The following LDLRAD4 variants were observed in gnomAD, a reference collection of about 807,000 sequenced individuals.
LDLRAD4 encodes the protein low-density lipoprotein receptor class A domain-containing protein 4.
Under a neutral mutation model 17.0 loss-of-function variants are expected in LDLRAD4, and 5 were observed. That is an observed-to-expected ratio of 0.29 (90% CI 0.15 to 0.62). The LOEUF (loss-of-function observed/expected upper bound fraction) is 0.62, where lower values mean the gene tolerates loss of function less well. Among genes scored for constraint, LDLRAD4 ranks in the 20% least tolerant of loss-of-function variants. The pLI, the probability that LDLRAD4 is intolerant of heterozygous loss-of-function variation, is 0.84. For synonymous variants in LDLRAD4, 168 were observed against 171.8 expected (o/e 0.98, Z 0.17); for missense variants, 340 against 424.7 (o/e 0.80, Z 1.75).
chr18:13,576,546 A>G (rs1208963930), intron 3 of LDLRAD4, among the ~76,000 whole-genome samples: 1 of 152,200 alleles, frequency 6.6e-6, no homozygotes, highest in Non-Finnish European at 1.5e-5. Flanking sequence ...CTGGCTTTCA[A>G]CACTTTGATT....
chr18:13,496,308 C>T (rs2093468411), intron 3 of LDLRAD4, among the ~76,000 whole-genome samples: 1 of 152,128 alleles, frequency 6.6e-6, no homozygotes, highest in South Asian at 2.1e-4. Flanking sequence ...CTTACTTGCC[C>T]AGAACAATTT....
At chr18:13,588,909 CTTTTCTTTTTT>C (rs1339081490) in intron 3 of LDLRAD4, among the ~76,000 whole-genome samples, 2 of 151,118 alleles carry the variant, frequency 1.3e-5, no homozygotes, top group African/African-American at 4.9e-5. Flanking sequence ...CATCTTTTTC[CTTTTCTTTTTT>C]TTTTCTTTTT....
At chr18:13,509,720 T>C (rs908735339) in intron 3 of LDLRAD4, among the ~76,000 whole-genome samples, 5 of 152,224 alleles carry the variant, frequency 3.3e-5, no homozygotes, top group African/African-American at 1.2e-4. Flanking sequence ...TAGCATTGCA[T>C]GTACAGAGAA....
chr18:13,251,964 C>T (rs997743523), intron 1 of LDLRAD4, among the ~76,000 whole-genome samples: 1 of 152,162 alleles, frequency 6.6e-6, no homozygotes, highest in Admixed American at 6.5e-5. Context: ...AAACTCAACC[C>T]TCATGACTAA....
intron 3 of LDLRAD4, among the ~76,000 whole-genome samples, chr18:13,457,791 G>T (rs887650491): frequency 1.2e-4 from 19 of 152,152 alleles, no homozygotes; most frequent in Non-Finnish European, 2.5e-4. Flanking sequence ...TCGCTACCTG[G>T]GCCCCCGCTC....
intron 3 of LDLRAD4, among the ~76,000 whole-genome samples, chr18:13,590,180 G>A (rs536276961): frequency 3.2e-4 from 49 of 151,684 alleles, no homozygotes; most frequent in African/African-American, 1.0e-3. Context: ...TATGGAGTAC[G>A]GGGGAAGGAG....
intron 1 of LDLRAD4, among the ~76,000 whole-genome samples, chr18:13,326,855 G>A (rs112107184): frequency 0.016 from 2,470 of 151,878 alleles, 67 homozygotes; most frequent in African/African-American, 0.057. Context: ...TGCAAGCTCC[G>A]CCTCCCAAGT....
chr18:13,395,282 T>A (rs1443352249), intron 2 of LDLRAD4, among the ~76,000 whole-genome samples: 1 of 150,874 alleles, frequency 6.6e-6, no homozygotes, highest in Non-Finnish European at 1.5e-5. Flanking sequence ...CATAGTCTTC[T>A]TGAAGTTGAC....
chr18:13,270,916 G>A (rs552854024), intron 1 of LDLRAD4, among the ~76,000 whole-genome samples: 19 of 152,212 alleles, frequency 1.2e-4, no homozygotes, highest in Non-Finnish European at 2.2e-4. Context: ...GTGTGTTTGT[G>A]TACATATGTA....
chr18:13,462,801 G>A (rs893667814), intron 3 of LDLRAD4, among the ~76,000 whole-genome samples: 5 of 152,158 alleles, frequency 3.3e-5, no homozygotes, highest in Non-Finnish European at 7.4e-5. Flanking sequence ...GCAGAGCCCC[G>A]CCTGGGAGCT....
rs1408119463 is a variant in LDLRAD4 at position 13,388,951 on chromosome 18, C to T, written c.40+1189C>T. ...TCAGGGCCCGTGCTGGTTAGCTTGG[C>T]AGCTGTGTAGATGTCTCCCTCTGGA... On this transcript the variant is annotated intron_variant, in intron 2 of 5. Transcript: ENST00000359446. Among the ~76,000 whole-genome samples, 3 of 152,320 alleles carry T rather than the reference C, an allele frequency of 2.0e-5. No individual in the cohort carries two copies. The East Asian group carries it at 5.8e-4, about 29-fold the overall frequency.
At chr18:13,639,344 T>A (rs984002229) in intron 4 of LDLRAD4, among the ~76,000 whole-genome samples, 8 of 152,248 alleles carry the variant, frequency 5.3e-5, no homozygotes, top group Non-Finnish European at 1.2e-4. Flanking sequence ...TGTACTCAGC[T>A]ATCTGCACTC....
intron 1 of LDLRAD4, among the ~76,000 whole-genome samples, chr18:13,290,965 A>G (rs1393456137): frequency 6.6e-6 from 1 of 152,228 alleles, no homozygotes; most frequent in Non-Finnish European, 1.5e-5. Flanking sequence ...GGGCCCAGTC[A>G]GCCCTTCTTT....
chr18:13,550,591 G>A (rs1449109770), intron 3 of LDLRAD4, among the ~76,000 whole-genome samples: 1 of 152,236 alleles, frequency 6.6e-6, no homozygotes. Flanking sequence ...CATGAGTGCT[G>A]GCGATGTTGA....
chr18:13,414,261 CTTGGCTTTGTTGCT>C (rs1220125211), intron 2 of LDLRAD4, among the ~76,000 whole-genome samples: 1 of 152,230 alleles, frequency 6.6e-6, no homozygotes, highest in Non-Finnish European at 1.5e-5. Context: ...CCCACCATTG[CTTGGCTTTGTTGCT>C]TTGGGCAAGT....
chr18:13,227,889 A>C (rs564898504), intron 1 of LDLRAD4, among the ~76,000 whole-genome samples: 4 of 152,218 alleles, frequency 2.6e-5, no homozygotes, highest in Non-Finnish European at 5.9e-5. Flanking sequence ...ATTACAATTC[A>C]AGGTGAGATT....
intron 1 of LDLRAD4, among the ~76,000 whole-genome samples, chr18:13,364,580 G>A (rs528857406): frequency 6.5e-4 from 99 of 152,248 alleles, no homozygotes; most frequent in Non-Finnish European, 9.1e-4. Context: ...GTCCTCAAGT[G>A]ATCCTCCCAC....
At chr18:13,349,904 T>C (rs1305748694) in intron 1 of LDLRAD4, among the ~76,000 whole-genome samples, 1 of 152,116 alleles carries the variant, frequency 6.6e-6, no homozygotes, top group Non-Finnish European at 1.5e-5. Context: ...TGTTCCTGTG[T>C]TAGTTTGCTG....
chr18:13,301,853 G>A (rs938954008), intron 1 of LDLRAD4, among the ~76,000 whole-genome samples: 5 of 152,122 alleles, frequency 3.3e-5, no homozygotes, highest in African/African-American at 1.2e-4. Context: ...GCGTCATTGG[G>A]CAGACAGGCA....
Sources: gnomAD v4.1 joint callset for allele counts (sites outside exome capture counted in the v4.1 genomes callset) on GRCh38, gnomAD v4.1.1 for gene constraint, MANE v1.5 for transcripts, NCBI Gene and HGNC (gene_info 2026-07-23, HGNC 2026-07-21) for gene names.